Variants in AFAP1 observed in about 807,000 individuals in gnomAD.
The protein encoded by AFAP1 is actin filament associated protein 1, also known as actin filament-associated protein 1.
A neutral mutation model predicts 93.9 loss-of-function variants in AFAP1; 75 were observed. That is an observed-to-expected ratio of 0.80 (90% CI 0.66 to 0.97). AFAP1 has a LOEUF of 0.97. Ranked by LOEUF, AFAP1 falls within the 50% of genes least tolerant of loss-of-function variation. The pLI is 0.00. For missense variants in AFAP1, 1,201 were observed against 1,050.8 expected, an observed-to-expected ratio of 1.14 and a Z score of -1.98; for synonymous variants, 517 against 430.7, an observed-to-expected ratio of 1.20 and a Z score of -2.48.
At chr4:7,879,453 T>C (rs1339025208) in intron 1 of AFAP1, among the ~76,000 whole-genome samples, 2 of 152,056 alleles carry the variant, frequency 1.3e-5, no homozygotes, top group Non-Finnish European at 2.9e-5. Context: ...CTGGACAGAA[T>C]GGCGAGGTCA....
intron 3 of AFAP1, among the ~76,000 whole-genome samples, 167 bp from the exon 4 acceptor site, chr4:7,855,741 T>C (rs113188843): frequency 4.6e-5 from 7 of 152,228 alleles, no homozygotes; most frequent in East Asian, 3.9e-4. Flanking sequence ...CCCTGATGTG[T>C]CTCTCTTACT....
Position 7,939,259 on chromosome 4 carries a change from C to G in AFAP1, c.-3+397G>C, listed in dbSNP as rs1487786169. On this transcript the variant is annotated intron_variant, in intron 1 of 17. Coordinates refer to ENST00000420658, the MANE Select transcript of AFAP1 (RefSeq NM_001134647.2). The surrounding 1 kb of genome is among the most constrained non-coding windows in gnomAD (Gnocchi z 5.6). ...CTCGGTAAGTCGGACGAAGCAGTCT[C>G]GCTACGGGGGAGGGCGGCGGAGCCT... 6.6e-6 allele frequency: 2 copies of G among 300,894 alleles called. No homozygotes were observed. The highest frequency in any genetic ancestry group is 8.5e-5 in the Admixed American group (2 of 23,548). 18.6% of individuals were successfully genotyped at this position (300,894 alleles called of 1,614,324 possible).
At chr4:7,789,304 G>A (rs1426276832) in intron 11 of AFAP1, among the ~76,000 whole-genome samples, 1 of 152,190 alleles carries the variant, frequency 6.6e-6, no homozygotes, top group Non-Finnish European at 1.5e-5. Flanking sequence ...AGAGAGTCAA[G>A]TGGAGCTATT....
chr4:7,848,925 G>C (rs1714114360), intron 4 of AFAP1, among the ~76,000 whole-genome samples: 1 of 152,160 alleles, frequency 6.6e-6, no homozygotes. Context: ...CTGCATAAAA[G>C]CAACGGCAAT....
intron 10 of AFAP1, among the ~76,000 whole-genome samples, chr4:7,795,443 T>C (rs1045407359): frequency 4.8e-5 from 4 of 83,524 alleles, no homozygotes; most frequent in African/African-American, 1.4e-4. Flanking sequence ...TTTTTTTTTT[T>C]GAGACAGAGT....
chr4:7,787,968 GGCGGCCCGTCCCGCAGCCCCACA>G (rs1475870993), intron 11 of AFAP1, among the ~76,000 whole-genome samples: 4 of 152,180 alleles, frequency 2.6e-5, no homozygotes, highest in African/African-American at 9.7e-5. Context: ...CCCCCCAGGA[GGCGGCCCGTCCCGCAGCCCCACA>G]GCGGCCCCTC....
intron 1 of AFAP1, among the ~76,000 whole-genome samples, chr4:7,925,802 G>A (rs1720695722): frequency 6.6e-6 from 1 of 151,324 alleles, no homozygotes; most frequent in African/African-American, 2.4e-5. Context: ...TGGAGATCGT[G>A]CCCATGCACT....
chr4:7,880,948 G>GCT, intron 1 of AFAP1, among the ~76,000 whole-genome samples: 1 of 152,286 alleles, frequency 6.6e-6, no homozygotes, highest in South Asian at 2.1e-4. Flanking sequence ...ACACTTTACT[G>GCT]ATGTGCAAAA....
intron 1 of AFAP1, among the ~76,000 whole-genome samples, chr4:7,937,901 G>C (rs1287247938): frequency 6.6e-6 from 1 of 152,170 alleles, no homozygotes; most frequent in Non-Finnish European, 1.5e-5. Flanking sequence ...ATTTAAAATA[G>C]CATGAATACT....
chr4:7,886,082 T>C (rs35152796), intron 1 of AFAP1, among the ~76,000 whole-genome samples: 17,526 of 152,260 alleles, frequency 0.12, 1,172 homozygotes, highest in Non-Finnish European at 0.16. Context: ...AAAAGCAGCA[T>C]AGCTTTAGGC....
intron 1 of AFAP1, among the ~76,000 whole-genome samples, chr4:7,896,262 T>C (rs10009556): frequency 1.3e-5 from 2 of 152,134 alleles, no homozygotes; most frequent in Admixed American, 6.5e-5. Flanking sequence ...GTTTTTTACA[T>C]ACACCTTTGG....
At position 7,819,091 on chromosome 4, in the gene AFAP1, C is replaced by T; in HGVS notation, c.807G>A (p.Lys269=). The T allele has an allele frequency of 1.2e-6, 2 of 1,613,078 alleles. No individual in the cohort carries two copies. The highest frequency in any genetic ancestry group is 1.7e-6 in the Non-Finnish European group (2 of 1,179,528). ...GCGCCCTTACCTTCTCCAGTTCTGC[C>T]TTGTGCACCGGGGAGCTTGGTGGAG... ...CPPPPSSPVH[K]AELEKKLSSE... The change falls in exon 7 of 18, where the codon AAG becomes AAA. Residue 269 remains lysine, a synonymous_variant. Coordinates refer to ENST00000420658, the MANE Select transcript of AFAP1 (RefSeq NM_001134647.2).
intron 1 of AFAP1, among the ~76,000 whole-genome samples, chr4:7,878,553 C>G (rs868682121): frequency 6.6e-6 from 1 of 152,192 alleles, no homozygotes; most frequent in Non-Finnish European, 1.5e-5. Context: ...AGCCAAATCT[C>G]CCTTTACAAT....
At chr4:7,776,225 AG>A (rs1716100883) in intron 14 of AFAP1, 1 of 152,202 alleles carries the variant, frequency 6.6e-6, no homozygotes, top group African/African-American at 2.4e-5. Context: ...TAGAAGCCAC[AG>A]GGGTGGCATA....
intron 8 of AFAP1, among the ~76,000 whole-genome samples, chr4:7,815,090 T>C (rs1036069689): frequency 2.0e-5 from 3 of 152,240 alleles, no homozygotes; most frequent in Non-Finnish European, 2.9e-5. Context: ...AGGAAAGAAA[T>C]TCTGACACAG....
At chr4:7,898,501 A>G (rs1001857701) in intron 1 of AFAP1, among the ~76,000 whole-genome samples, 6 of 151,566 alleles carry the variant, frequency 4.0e-5, no homozygotes, top group Admixed American at 6.6e-5. Context: ...ACATTTCAGG[A>G]AAAAAAAATT....
At chr4:7,871,910 G>C (rs1560212968) in intron 2 of AFAP1, 42 bp downstream of exon 2, 1 of 1,606,846 alleles carries the variant, frequency 6.2e-7, no homozygotes, top group Non-Finnish European at 8.5e-7. Context: ...TAGAAGCCAA[G>C]ACACTGTAAG....
intron 11 of AFAP1, among the ~76,000 whole-genome samples, chr4:7,791,827 T>G (rs544897480): frequency 1.4e-5 from 2 of 141,222 alleles, no homozygotes; most frequent in African/African-American, 5.5e-5. Flanking sequence ...CACTCCAGCC[T>G]GGGCAACCCT....
chr4:7,913,388 C>CAAA (rs763367846), intron 1 of AFAP1, among the ~76,000 whole-genome samples: 2 of 62,058 alleles, frequency 3.2e-5, no homozygotes, highest in Admixed American at 3.4e-4. Flanking sequence ...ACCCTGTCTC[C>CAAA]AAAAAAAAAA....
Sources: gnomAD v4.1 joint callset for allele counts (sites outside exome capture counted in the v4.1 genomes callset) on GRCh38, gnomAD v4.1.1 for gene constraint, Gnocchi (gnomAD v3.1) non-coding constraint, MANE v1.5 for transcripts, NCBI Gene and HGNC (gene_info 2026-07-23, HGNC 2026-07-21) for gene names.